ARHGEF4: variants seen among roughly 807,000 people sequenced by gnomAD.
The protein encoded by ARHGEF4 is APC-stimulated guanine nucleotide exchange factor 1.
A neutral mutation model predicts 162.0 loss-of-function variants in ARHGEF4; 119 were observed. The ratio of observed to expected loss-of-function variants is 0.73; its 90% CI spans 0.63 to 0.86. The LOEUF is 0.86. ARHGEF4 is among the 40% of genes least tolerant of loss of function. The pLI, the probability that ARHGEF4 is intolerant of heterozygous loss-of-function variation, is 0.00. For missense variants in ARHGEF4, 2,488 were observed against 2,456.0 expected (o/e 1.01, Z -0.28); for synonymous variants, 1,014 against 979.9 (o/e 1.03, Z -0.65).
At chr2:131,042,048 C>T (rs1271374472) in intron 10 of ARHGEF4, 104 bp downstream of exon 10, 9 of 1,444,248 alleles carry the variant, frequency 6.2e-6, no homozygotes, top group East Asian at 5.0e-5. Context: ...CAGGGAGCTG[C>T]GCTCCTGGGA....
intron 1 of ARHGEF4, among the ~76,000 whole-genome samples, chr2:130,887,331 CA>C (rs1197328534): frequency 8.1e-5 from 11 of 136,322 alleles, no homozygotes; most frequent in South Asian, 2.4e-4. Flanking sequence ...ACCCTGTCTC[CA>C]AAAAAAAAAC....
chr2:130,908,109 G>T (rs1680948717), intron 1 of ARHGEF4, among the ~76,000 whole-genome samples: 1 of 151,972 alleles, frequency 6.6e-6, no homozygotes, highest in African/African-American at 2.4e-5. Context: ...CCATTTGTTT[G>T]TGTCATCTCT....
rs779937285 is a variant in ARHGEF4 at position 130,915,945 on chromosome 2, C to T, written c.1999C>T (p.Pro667Ser). 2 of 1,550,476 alleles carry T rather than the reference C, an allele frequency of 1.3e-6. No individual in the cohort carries two copies. The highest frequency in any genetic ancestry group is 2.4e-5 in the South Asian group (2 of 84,070). ...CTTTCCTAAGGAAAGACCAGAATCT[C>T]CCTTGAGCACTGGCGAGACCCCCTG... ...RDFPKERPESPLSTGETPCES... is the reference protein window; with the variant it reads ...RDFPKERPESSLSTGETPCES... Residue 667 changes from proline (P) to serine (S), a missense_variant, in exon 2 of 14, where the codon CCC becomes TCC. Physicochemically the swap from Pro to Ser is moderately conservative, Grantham distance 74. Coordinates refer to ENST00000409359, the MANE Select transcript of ARHGEF4 (RefSeq NM_001367493.1).
Position 130,939,935 on chromosome 2 carries a change from A to G in ARHGEF4, c.3859-6574A>G, listed in dbSNP as rs528455348. Among the ~76,000 whole-genome samples, 131 of 152,280 alleles carry G rather than the reference A, an allele frequency of 8.6e-4. 1 individual carries two copies. The highest frequency in any genetic ancestry group is 3.1e-3 in the African/African-American group (128 of 41,562). On this transcript the variant is annotated intron_variant, in intron 3 of 13. Coordinates refer to ENST00000409359, the MANE Select transcript of ARHGEF4 (RefSeq NM_001367493.1). ...ATTGATTTTTATGTGTTGATATTGT[A>G]TCCTGTGACTCTGCTGAATTCATTT... is the stretch of plus-strand genomic sequence containing the variant.
At chr2:130,931,519 G>A (rs1328537344) in intron 3 of ARHGEF4, among the ~76,000 whole-genome samples, 1 of 152,252 alleles carries the variant, frequency 6.6e-6, no homozygotes, top group African/African-American at 2.4e-5. Flanking sequence ...GTCTCTGCCT[G>A]TGGCCAGCTC....
chr2:131,001,676 A>G (rs1029957157), intron 4 of ARHGEF4, among the ~76,000 whole-genome samples: 1 of 152,194 alleles, frequency 6.6e-6, no homozygotes, highest in Non-Finnish European at 1.5e-5. Flanking sequence ...CCATGTATGC[A>G]TAGCAGGCAG....
intron 4 of ARHGEF4, among the ~76,000 whole-genome samples, chr2:130,990,200 T>C (rs1024889498): frequency 2.0e-5 from 3 of 152,268 alleles, no homozygotes; most frequent in African/African-American, 7.2e-5. Flanking sequence ...AGCTTCTTTC[T>C]GCTGAACTCA....
intron 4 of ARHGEF4, among the ~76,000 whole-genome samples, chr2:130,970,838 G>T (rs781769491): frequency 1.3e-5 from 2 of 152,088 alleles, no homozygotes; most frequent in South Asian, 2.1e-4. Context: ...TATGTGATTT[G>T]CAAATATTTA....
Position 131,043,576 on chromosome 2 carries a change from G to GT in ARHGEF4, c.5151dup (p.Lys1718Ter). 1 of 1,613,996 alleles carries GT rather than the reference G, an allele frequency of 6.2e-7. No individual in the cohort carries two copies. The highest frequency in any genetic ancestry group is 8.5e-7 in the Non-Finnish European group (1 of 1,179,990). ...CTCTTTGACCACCAGCTCATCTACTGTAAGAAGGTACCAGAGCTGCTCTGC... is the reference window on the plus strand; with the variant it reads ...CTCTTTGACCACCAGCTCATCTACTGTTAAGAAGGTACCAGAGCTGCTCTGC... On this transcript the variant is annotated frameshift_variant, in exon 11 of 14. Transcript: ENST00000409359. LOFTEE classifies it high-confidence loss of function.
chr2:131,023,648 T>C (rs1018703146), intron 4 of ARHGEF4, among the ~76,000 whole-genome samples: 3 of 152,156 alleles, frequency 2.0e-5, no homozygotes, highest in Admixed American at 1.3e-4. Context: ...CTCTGAGACA[T>C]TGAGAGTAAT....
intron 1 of ARHGEF4, among the ~76,000 whole-genome samples, chr2:130,911,770 C>T (rs1285045679): frequency 6.6e-6 from 1 of 152,204 alleles, no homozygotes; most frequent in Non-Finnish European, 1.5e-5. Flanking sequence ...GGCTGGACCC[C>T]TCCCCCCAGC....
chr2:130,914,492 GT>G lies in ARHGEF4; in HGVS notation c.547del (p.Cys183AlafsTer93). ...LLAGVPRHTG[C>X]CLQRATDSSG... is the part of the protein sequence containing the mutation. Reference sequence around the variant, plus strand: ...TGGCAGGGGTTCCCCGACACACAGGGTGCTGCTTACAGAGGGCCACAGACAG... The same window carrying G: ...TGGCAGGGGTTCCCCGACACACAGGGGCTGCTTACAGAGGGCCACAGACAG... On this transcript the variant is annotated frameshift_variant, in exon 2 of 14. Transcript: ENST00000409359. LOFTEE classifies it high-confidence loss of function. 7.0e-7 allele frequency: 1 copy of G among 1,432,930 alleles called. No individual in the cohort carries two copies. Among genetic ancestry groups the G allele is most frequent in the Non-Finnish European group, 9.1e-7 (1 of 1,099,416 alleles). 88.8% of individuals were successfully genotyped at this position (1,432,930 alleles called of 1,614,324 possible).
rs190952647 is a variant in ARHGEF4, at chr2:130,896,566, G to C, written c.40-17420G>C. On this transcript the variant is annotated intron_variant, in intron 1 of 13. Transcript: ENST00000409359. The stretch of plus-strand genomic sequence containing the variant: ...ATGAGAATGGCTATCCCATTTTGCA[G>C]ATGAAACATGTGAGGCCCAGAGAGG... 3.3e-4 allele frequency among the ~76,000 whole-genome samples: 51 copies of C among 152,368 alleles called. 1 individual carries two copies. The East Asian group carries it at 8.5e-3, about 25-fold the overall frequency.
intron 4 of ARHGEF4, among the ~76,000 whole-genome samples, chr2:130,978,718 A>C (rs899346628): frequency 6.6e-6 from 1 of 152,164 alleles, no homozygotes; most frequent in African/African-American, 2.4e-5. Context: ...TACTCAATAC[A>C]CTTAAAGTAT....
chr2:130,958,948 T>C (rs78609907), intron 4 of ARHGEF4, among the ~76,000 whole-genome samples: 3 of 146,450 alleles, frequency 2.0e-5, no homozygotes, highest in African/African-American at 7.4e-5. Flanking sequence ...TTTTCTTTCT[T>C]TTTTTTTTTT....
chr2:131,026,225 C>A (rs976644153), intron 4 of ARHGEF4, among the ~76,000 whole-genome samples: 2 of 152,158 alleles, frequency 1.3e-5, no homozygotes, highest in African/African-American at 2.4e-5. Flanking sequence ...CCACAAAAAT[C>A]ATTTCCAGGT....
chr2:130,875,611 C>T (rs915468254), intron 1 of ARHGEF4, among the ~76,000 whole-genome samples: 3 of 152,174 alleles, frequency 2.0e-5, no homozygotes, highest in Admixed American at 6.5e-5. Flanking sequence ...GGAGAATTAA[C>T]CTAGTCCCTC....
rs1010334146 is a variant in ARHGEF4, at chr2:130,861,218, A to G, written c.39+24226A>G. Among the ~76,000 whole-genome samples the G allele has an allele frequency of 3.0e-3, 110 of 36,114 alleles. 9 individuals are homozygous for G. Among genetic ancestry groups the G allele is most frequent in the African/African-American group, 0.018 (99 of 5,464 alleles). 23.7% of individuals were successfully genotyped at this position (36,114 alleles called of 152,430 possible). Reference sequence around the variant, plus strand: ...TGTCAGAATGAATTTTTTCTTAAAAAGAAAAACAAGATCCAGCTATATCTT... The same window carrying G: ...TGTCAGAATGAATTTTTTCTTAAAAGGAAAAACAAGATCCAGCTATATCTT... On this transcript the variant is annotated intron_variant, in intron 1 of 13. Transcript: ENST00000409359.
intron 10 of ARHGEF4, 63 bp from the exon 11 acceptor site, chr2:131,043,389 G>A: frequency 6.2e-7 from 1 of 1,603,800 alleles, no homozygotes; most frequent in Non-Finnish European, 8.5e-7. Context: ...CCATGATGGG[G>A]GCAGGAAGTG....
Sources: allele counts gnomAD v4.1 joint callset (sites outside exome capture counted in the v4.1 genomes callset), GRCh38; gene constraint gnomAD v4.1.1; transcripts MANE v1.5; gene names NCBI Gene and HGNC (gene_info 2026-07-23, HGNC 2026-07-21).